Variants in KCNIP4 observed in about 807,000 individuals in gnomAD.
The protein encoded by KCNIP4 is Kv channel-interacting protein 4.
Under a neutral mutation model 34.0 loss-of-function variants are expected in KCNIP4, and 12 were observed. The ratio of observed to expected loss-of-function variants is 0.35; its 90% CI spans 0.23 to 0.57. The LOEUF (loss-of-function observed/expected upper bound fraction) is 0.57. Among genes scored for constraint, KCNIP4 ranks in the 20% least tolerant of loss-of-function variants. The pLI is 0.83. For synonymous variants in KCNIP4, 124 were observed against 102.2 expected (o/e 1.21, Z -1.29); for missense variants, 238 against 311.7 (o/e 0.76, Z 1.78).
chr4:21,425,709 G>T (rs575207061), intron 1 of KCNIP4, among the ~76,000 whole-genome samples: 48 of 152,196 alleles, frequency 3.2e-4, no homozygotes, highest in African/African-American at 1.2e-3. Flanking sequence ...AGAAACTCTT[G>T]TGAATGTCAA....
chr4:21,772,589 G>A (rs577620064), intron 1 of KCNIP4, among the ~76,000 whole-genome samples: 290 of 151,958 alleles, frequency 1.9e-3, no homozygotes, highest in Non-Finnish European at 2.9e-3. Flanking sequence ...ATTAATTACC[G>A]CCTCAATTTT....
intron 1 of KCNIP4, among the ~76,000 whole-genome samples, chr4:21,086,934 T>TC: frequency 6.7e-6 from 1 of 149,938 alleles, no homozygotes; most frequent in African/African-American, 2.5e-5. Flanking sequence ...TTTCCTTCTT[T>TC]CTTTCTTTCT....
chr4:21,569,202 T>C (rs1389944558), intron 1 of KCNIP4, among the ~76,000 whole-genome samples: 2 of 117,726 alleles, frequency 1.7e-5, no homozygotes, highest in African/African-American at 6.6e-5. Context: ...TTGAGACATG[T>C]TTAAGTCCCA....
chr4:21,938,557 T>C (rs1437217327), intron 1 of KCNIP4, among the ~76,000 whole-genome samples: 1 of 152,196 alleles, frequency 6.6e-6, no homozygotes, highest in Non-Finnish European at 1.5e-5. Context: ...TTCTGTATTA[T>C]ACACGATTGT....
chr4:21,134,035 T>C (rs767117660), intron 1 of KCNIP4, among the ~76,000 whole-genome samples: 34 of 152,054 alleles, frequency 2.2e-4, no homozygotes, highest in Non-Finnish European at 4.3e-4. Flanking sequence ...TTCTTTCTTA[T>C]CTAACCCCCC....
intron 1 of KCNIP4, among the ~76,000 whole-genome samples, chr4:21,903,045 A>G (rs1213879509): frequency 6.6e-6 from 1 of 152,184 alleles, no homozygotes; most frequent in Admixed American, 6.6e-5. Context: ...CATGGTTACC[A>G]AGTAAACCAG....
chr4:20,938,927 A>G (rs980275), intron 1 of KCNIP4, among the ~76,000 whole-genome samples: 2,019 of 152,228 alleles, frequency 0.013, 51 homozygotes, highest in African/African-American at 0.046. Flanking sequence ...GCTTACTTCT[A>G]TTTCTCATTT....
chr4:20,759,661 A>G (rs140586294), intron 3 of KCNIP4, among the ~76,000 whole-genome samples: 349 of 152,238 alleles, frequency 2.3e-3, no homozygotes, highest in African/African-American at 7.7e-3. Flanking sequence ...AGAAAAAAAG[A>G]AACTTTAAAG....
At chr4:20,860,805 G>A (rs926757428) in intron 2 of KCNIP4, among the ~76,000 whole-genome samples, 4 of 152,142 alleles carry the variant, frequency 2.6e-5, no homozygotes, top group Admixed American at 6.6e-5. Context: ...CATAGCATTA[G>A]ATGCTATTCC....
Position 21,716,531 on chromosome 4 carries a change from C to T in KCNIP4, c.61+232040G>A, listed in dbSNP as rs142831913. Among the ~76,000 whole-genome samples, 203 of 152,116 alleles carry T rather than the reference C, an allele frequency of 1.3e-3. 1 individual carries two copies. Among genetic ancestry groups the T allele is most frequent in the African/African-American group, 4.2e-3 (173 of 41,518 alleles). On this transcript the variant is annotated intron_variant, in intron 1 of 8. Coordinates refer to ENST00000382152, the MANE Select transcript of KCNIP4 (RefSeq NM_025221.6). ...GATTACAGGTGGGAGCCACTGCCACCGTGCTGGGCCGGTAGTCTTTAGTTT... is the reference window on the plus strand; with the variant it reads ...GATTACAGGTGGGAGCCACTGCCACTGTGCTGGGCCGGTAGTCTTTAGTTT...
At chr4:21,526,915 A>G (rs1386730351) in intron 1 of KCNIP4, among the ~76,000 whole-genome samples, 1 of 152,208 alleles carries the variant, frequency 6.6e-6, no homozygotes, top group Admixed American at 6.5e-5. Flanking sequence ...CTTTTTCCTT[A>G]TCAGATATAA....
intron 1 of KCNIP4, among the ~76,000 whole-genome samples, chr4:21,859,322 G>A (rs1724930084): frequency 6.6e-6 from 1 of 151,960 alleles, no homozygotes; most frequent in African/African-American, 2.4e-5. Flanking sequence ...CCTTTCACCT[G>A]GCTTAACTGG....
chr4:21,252,124 G>GT (rs200110404), intron 1 of KCNIP4, among the ~76,000 whole-genome samples: 2,380 of 115,726 alleles, frequency 0.021, 52 homozygotes, highest in East Asian at 0.13. Flanking sequence ...CATGAATGAG[G>GT]TTTTGTTTTT....
At chr4:21,283,546 C>T (rs955438324) in intron 1 of KCNIP4, among the ~76,000 whole-genome samples, 5 of 149,450 alleles carry the variant, frequency 3.3e-5, no homozygotes, top group Non-Finnish European at 7.4e-5. Context: ...GTCTAATATC[C>T]TTACTCGACC....
chr4:21,205,423 T>C (rs896957061), intron 1 of KCNIP4, among the ~76,000 whole-genome samples: 2 of 152,322 alleles, frequency 1.3e-5, no homozygotes, highest in African/African-American at 4.8e-5. Context: ...AATTCTTTGG[T>C]GTATGCCAAA....
At chr4:20,842,177 C>G (rs749463376) in intron 3 of KCNIP4, among the ~76,000 whole-genome samples, 3 of 152,212 alleles carry the variant, frequency 2.0e-5, no homozygotes, top group Non-Finnish European at 2.9e-5. Context: ...ATACCTTTTA[C>G]AGTGATGAGC....
chr4:21,727,325 C>T (rs967338960), intron 1 of KCNIP4, among the ~76,000 whole-genome samples: 1 of 152,096 alleles, frequency 6.6e-6, no homozygotes, highest in Non-Finnish European at 1.5e-5. Flanking sequence ...AGGACACAGT[C>T]TTCATTCCTC....
At chr4:21,825,411 C>A (rs1722618040) in intron 1 of KCNIP4, among the ~76,000 whole-genome samples, 1 of 152,100 alleles carries the variant, frequency 6.6e-6, no homozygotes, top group Non-Finnish European at 1.5e-5. Context: ...TTATTCCCAA[C>A]AAAGGTATTT....
chr4:20,910,152 T>C (rs1343853501), intron 1 of KCNIP4, among the ~76,000 whole-genome samples: 3 of 152,208 alleles, frequency 2.0e-5, no homozygotes, highest in South Asian at 2.1e-4. Flanking sequence ...AATGATTTTC[T>C]TCATTCTAAA....
Sources: allele counts gnomAD v4.1 joint callset (sites outside exome capture counted in the v4.1 genomes callset), GRCh38; gene constraint gnomAD v4.1.1; transcripts MANE v1.5; gene names NCBI Gene and HGNC (gene_info 2026-07-23, HGNC 2026-07-21).